VAPB: variants seen among roughly 807,000 people sequenced by gnomAD.
VAPB encodes the protein vesicle-associated membrane protein-associated protein B/C.
VAPB carries 7 observed loss-of-function variants against 25.6 expected under a neutral mutation model. The ratio of observed to expected loss-of-function variants is 0.27; its 90% confidence interval spans 0.16 to 0.51. VAPB has a LOEUF of 0.51. Among genes scored for constraint, VAPB ranks in the 20% least tolerant of loss-of-function variants. The pLI is 0.97. For synonymous variants in VAPB, 112 were observed against 109.2 expected, an observed-to-expected ratio of 1.03 and a Z score of -0.16; for missense variants, 266 against 301.3, an observed-to-expected ratio of 0.88 and a Z score of 0.87.
Position 58,432,906 on chromosome 20 carries a change from A to G in VAPB, c.212-1696A>G, listed in dbSNP as rs556430976. Among the ~76,000 whole-genome samples the G allele has an allele frequency of 4.6e-5, 7 of 152,308 alleles. No homozygotes were observed. The South Asian group carries it at 1.4e-3, about 32-fold the overall frequency. Reference sequence around the variant, plus strand: ...GTTGATAAAAGGTTTACTCTCTGACAGTTATTGAATTTTGTCCTGAAGAAG... The same window carrying G: ...GTTGATAAAAGGTTTACTCTCTGACGGTTATTGAATTTTGTCCTGAAGAAG... On this transcript the variant is annotated intron_variant, in intron 2 of 5. Coordinates refer to ENST00000475243, the MANE Select transcript of VAPB (RefSeq NM_004738.5).
intron 1 of VAPB, among the ~76,000 whole-genome samples, chr20:58,404,761 G>A (rs1420465816): frequency 1.3e-5 from 2 of 152,072 alleles, no homozygotes; most frequent in African/African-American, 2.4e-5. Flanking sequence ...TCATTATGGA[G>A]TCTCAGTCCT....
At chr20:58,402,522 C>T (rs577760069) in intron 1 of VAPB, among the ~76,000 whole-genome samples, 2 of 150,648 alleles carry the variant, frequency 1.3e-5, no homozygotes, top group African/African-American at 2.4e-5. Context: ...CAACGTGATA[C>T]GTGACTCCCT....
intron 1 of VAPB, among the ~76,000 whole-genome samples, chr20:58,396,240 T>C (rs185440610): frequency 1.3e-5 from 2 of 152,378 alleles, no homozygotes; most frequent in African/African-American, 4.8e-5. Flanking sequence ...TATTTTCACC[T>C]GTGTCAAGTG....
intron 1 of VAPB, 100 bp downstream of exon 1, chr20:58,389,617 C>A (rs1324430843): frequency 2.3e-6 from 3 of 1,295,594 alleles, no homozygotes; most frequent in Non-Finnish European, 2.0e-6. Flanking sequence ...TCGTCCCCAC[C>A]CCGACGGCGC....
chr20:58,414,277 C>A (rs1988468777), intron 1 of VAPB, among the ~76,000 whole-genome samples: 1 of 144,846 alleles, frequency 6.9e-6, no homozygotes, highest in African/African-American at 2.6e-5. Flanking sequence ...GTGGGGCTGA[C>A]CCCCCCACCT....
At chr20:58,427,879 A>T (rs993756139) in intron 2 of VAPB, among the ~76,000 whole-genome samples, 88 of 147,372 alleles carry the variant, frequency 6.0e-4, no homozygotes, top group African/African-American at 2.3e-3. Flanking sequence ...ATTATGATGC[A>T]GGCGAAAGTG....
chr20:58,400,790 C>A (rs1240752404), intron 1 of VAPB, among the ~76,000 whole-genome samples: 1 of 152,170 alleles, frequency 6.6e-6, no homozygotes, highest in East Asian at 1.9e-4. Context: ...TGCTGAAAAA[C>A]CAGAGGTTTG....
At chr20:58,407,641 C>G (rs1988263593) in intron 1 of VAPB, among the ~76,000 whole-genome samples, 1 of 151,808 alleles carries the variant, frequency 6.6e-6, no homozygotes, top group Non-Finnish European at 1.5e-5. Flanking sequence ...TCTGCTGATT[C>G]ATACGCCCTC....
intron 4 of VAPB, chr20:58,440,593 A>G (rs768377018): frequency 3.2e-6 from 1 of 309,476 alleles, no homozygotes; most frequent in Non-Finnish European, 6.2e-6. Flanking sequence ...CTGAGCTTGC[A>G]CAATTACAGT....
In VAPB at chr20:58,447,653, T is replaced by C. The variant is rs539283564; in HGVS notation, c.*3418T>C. 135 of 342,510 alleles carry C rather than the reference T, an allele frequency of 3.9e-4. No individual in the cohort carries two copies. In the African/African-American group the frequency reaches 6.6e-3, roughly 17 times the overall value. The allele number at this position is 342,510 out of a possible 1,614,324, so 21.2% of individuals were successfully genotyped here. On this transcript the variant is annotated 3_prime_UTR_variant, in exon 6 of 6. Transcript: ENST00000475243. ...CAGATGAATTTGAAAACAGACTCTG[T>C]GTGTGTGTGCATGTGTGCATGTGTG...
chr20:58,406,637 C>T (rs959531668), intron 1 of VAPB, among the ~76,000 whole-genome samples: 2 of 152,176 alleles, frequency 1.3e-5, no homozygotes, highest in Non-Finnish European at 2.9e-5. Context: ...TGTTGATTTT[C>T]GTATGGAGGC....
At chr20:58,404,866 G>A (rs555985608) in intron 1 of VAPB, among the ~76,000 whole-genome samples, 1 of 152,178 alleles carries the variant, frequency 6.6e-6, no homozygotes, top group African/African-American at 2.4e-5. Flanking sequence ...TCTAGCTTGA[G>A]AGCCTAGCAC....
At chr20:58,441,465 C>T (rs954926877) in intron 5 of VAPB, among the ~76,000 whole-genome samples, 11 of 152,164 alleles carry the variant, frequency 7.2e-5, no homozygotes, top group Admixed American at 2.0e-4. Flanking sequence ...CAAAGTGAAA[C>T]CCCGTCTCTA....
chr20:58,430,395 G>A (rs1011316988), intron 2 of VAPB, among the ~76,000 whole-genome samples: 17 of 151,840 alleles, frequency 1.1e-4, no homozygotes, highest in South Asian at 2.1e-4. Context: ...CCGAATAGCT[G>A]GGATTACAGG....
At chr20:58,424,349 C>T (rs1409581465) in intron 2 of VAPB, among the ~76,000 whole-genome samples, 1 of 151,868 alleles carries the variant, frequency 6.6e-6, no homozygotes, top group African/African-American at 2.4e-5. Flanking sequence ...GAAAGCGGCC[C>T]ATGTGACAGT....
At chr20:58,393,657 A>G (rs1987868162) in intron 1 of VAPB, among the ~76,000 whole-genome samples, 1 of 152,170 alleles carries the variant, frequency 6.6e-6, no homozygotes, top group South Asian at 2.1e-4. Flanking sequence ...TTCCCCCAGC[A>G]ATGATACTGT....
Position 58,405,765 on chromosome 20 carries a change from T to TTTG in VAPB, c.59-12444_59-12443insGTT, listed in dbSNP as rs1488701651. ...GCCTTTTTTTTTTTTTTTTTTTTTT[T>TTTG]TTTGAGACGGAGACTGGCTCTGTTG... On this transcript the variant is annotated intron_variant, in intron 1 of 5. Transcript: ENST00000475243. Among the ~76,000 whole-genome samples the TTTG allele has an allele frequency of 5.0e-5, 7 of 140,274 alleles. No individual in the cohort carries two copies. The East Asian group carries it at 1.5e-3, about 29-fold the overall frequency. The allele number at this position is 140,274 out of a possible 152,430, so 92.0% of individuals were successfully genotyped here. A position where few individuals can be genotyped will look rare whatever the true frequency, so the allele number is the denominator to read the frequency against.
At chr20:58,427,843 G>A (rs1007197407) in intron 2 of VAPB, among the ~76,000 whole-genome samples, 1 of 151,100 alleles carries the variant, frequency 6.6e-6, no homozygotes, top group Non-Finnish European at 1.5e-5. Context: ...TATGATGCTG[G>A]TGAAAGTGAT....
intron 2 of VAPB, among the ~76,000 whole-genome samples, chr20:58,428,755 G>A (rs554394267): frequency 2.0e-4 from 30 of 152,348 alleles, no homozygotes; most frequent in African/African-American, 6.3e-4. Flanking sequence ...GCAACATTCT[G>A]TCATGTTTTT....
Sources: allele counts gnomAD v4.1 joint callset (sites outside exome capture counted in the v4.1 genomes callset), GRCh38; gene constraint gnomAD v4.1.1; transcripts MANE v1.5; gene names NCBI Gene and HGNC (gene_info 2026-07-23, HGNC 2026-07-21).